The following SPIDR variants were observed in gnomAD, a reference collection of about 807,000 sequenced individuals.
The protein encoded by SPIDR is scaffold protein involved in DNA repair, also known as DNA repair-scaffolding protein.
A neutral mutation model predicts 104.6 loss-of-function variants in SPIDR; 93 were observed. That is an observed-to-expected ratio of 0.89 (90% CI 0.75 to 1.06). SPIDR has a LOEUF of 1.06. SPIDR is among the 50% of genes least tolerant of loss of function. SPIDR has a pLI of 0.00. For synonymous variants in SPIDR, 431 were observed against 416.9 expected, an observed-to-expected ratio of 1.03 and a Z score of -0.41; for missense variants, 1,154 against 1,111.2, an observed-to-expected ratio of 1.04 and a Z score of -0.55.
At chr8:47,453,743 A>T (rs1345926346) in intron 8 of SPIDR, among the ~76,000 whole-genome samples, 2 of 152,228 alleles carry the variant, frequency 1.3e-5, no homozygotes, top group African/African-American at 4.8e-5. Context: ...TAGATCTAAA[A>T]GCATAAAAAC....
At chr8:47,362,753 A>G (rs946080822) in intron 5 of SPIDR, among the ~76,000 whole-genome samples, 14 of 152,032 alleles carry the variant, frequency 9.2e-5, no homozygotes, top group African/African-American at 3.4e-4. Flanking sequence ...CCCAGGTTCA[A>G]GCAATTCTGC....
chr8:47,641,527 T>A (rs1256144494), intron 10 of SPIDR, among the ~76,000 whole-genome samples: 1 of 152,258 alleles, frequency 6.6e-6, no homozygotes, highest in African/African-American at 2.4e-5. Context: ...AGTATGGCCA[T>A]TACAAATATA....
At chr8:47,713,760 A>G in intron 16 of SPIDR, 119 bp downstream of exon 16, 2 of 1,322,662 alleles carry the variant, frequency 1.5e-6, no homozygotes, top group Non-Finnish European at 2.0e-6. Flanking sequence ...CAGACACTGG[A>G]TACATAAAGA....
chr8:47,399,363 C>G (rs1460307545), intron 6 of SPIDR, among the ~76,000 whole-genome samples: 3 of 152,188 alleles, frequency 2.0e-5, no homozygotes, highest in Non-Finnish European at 4.4e-5. Flanking sequence ...GACAGGCCAT[C>G]CACGGACAGC....
At position 47,349,783 on chromosome 8, in the gene SPIDR, G is replaced by A. The variant is rs192175542; in HGVS notation, c.526-46593G>A. On this transcript the variant is annotated intron_variant, in intron 5 of 19. Coordinates refer to ENST00000297423, the MANE Select transcript of SPIDR (RefSeq NM_001080394.4). ...GCGTGGGACCCACTGAGCCCGGCGC[G>A]GGATGTAATGTCCTGGTGTGCTGTT... Among the ~76,000 whole-genome samples, 671 of 152,348 alleles carry A rather than the reference G, an allele frequency of 4.4e-3. 6 individuals carry two copies. The highest frequency in any genetic ancestry group is 0.015 in the African/African-American group (604 of 41,582).
chr8:47,659,952 C>A (rs901346143), intron 10 of SPIDR, among the ~76,000 whole-genome samples: 1 of 152,188 alleles, frequency 6.6e-6, no homozygotes, highest in East Asian at 1.9e-4. Context: ...TCCCACATAG[C>A]CACTTAATCT....
At chr8:47,546,936 G>A in intron 8 of SPIDR, 1 of 473,118 alleles carries the variant, frequency 2.1e-6, no homozygotes, top group Non-Finnish European at 4.1e-6. Context: ...AAAGCCAGGT[G>A]GCAAAGCTGT....
rs573921492 is a variant in SPIDR, at chr8:47,505,441, C to T, written c.1097+64899C>T. 2.5e-4 allele frequency among the ~76,000 whole-genome samples: 38 copies of T among 152,290 alleles called. No homozygotes were observed. In the South Asian group the frequency reaches 2.7e-3, roughly 11 times the overall value. On this transcript the variant is annotated intron_variant, in intron 8 of 19. Coordinates refer to ENST00000297423, the MANE Select transcript of SPIDR (RefSeq NM_001080394.4). ...GGCATAGGACCCTCCAAGCCATGTG[C>T]GGGATATAATCTCCTGGTGTGCCAT...
chr8:47,310,044 T>C (rs1338015389), intron 5 of SPIDR, among the ~76,000 whole-genome samples: 1 of 117,786 alleles, frequency 8.5e-6, no homozygotes, highest in Non-Finnish European at 1.8e-5. Context: ...AAAAACAAAG[T>C]AATAAGTCGG....
chr8:47,261,139 C>A, intron 1 of SPIDR, 148 bp downstream of exon 1: 3 of 984,180 alleles, frequency 3.0e-6, no homozygotes, highest in Non-Finnish European at 3.9e-6. Flanking sequence ...CCCGTCTGCG[C>A]GCGTGGAGCA....
intron 8 of SPIDR, among the ~76,000 whole-genome samples, chr8:47,589,022 G>GTTTTTTTT (rs1168001066): frequency 3.1e-4 from 28 of 89,036 alleles, no homozygotes; most frequent in Non-Finnish European, 4.0e-4. Context: ...TTTATAGTTT[G>GTTTTTTTT]TTTTTTTTTT....
Position 47,734,384 on chromosome 8 carries a change from G to A in SPIDR, c.2605-923G>A, listed in dbSNP as rs565195735. On this transcript the variant is annotated intron_variant, in intron 19 of 19. Transcript: ENST00000297423. Reference sequence around the variant, plus strand: ...GCAGTGAGACTCACACCTTTGAAGGGAAGGGCACCAAGGAGCCACATTCTA... The same window carrying A: ...GCAGTGAGACTCACACCTTTGAAGGAAAGGGCACCAAGGAGCCACATTCTA... Among the ~76,000 whole-genome samples the A allele has an allele frequency of 2.0e-3, 312 of 152,288 alleles. 1 individual carries two copies. The highest frequency in any genetic ancestry group is 4.4e-3 in the Admixed American group (68 of 15,302).
intron 6 of SPIDR, among the ~76,000 whole-genome samples, chr8:47,399,912 G>T (rs1381965526): frequency 6.6e-6 from 1 of 152,150 alleles, no homozygotes; most frequent in African/African-American, 2.4e-5. Flanking sequence ...ACGATGACGG[G>T]CGCCCAGAGT....
chr8:47,584,117 CAGATCATAT>C (rs1344843718), intron 8 of SPIDR, among the ~76,000 whole-genome samples: 5 of 152,130 alleles, frequency 3.3e-5, no homozygotes, highest in Non-Finnish European at 1.5e-5. Flanking sequence ...CTTGATTTCC[CAGATCATAT>C]AGATCATATC....
chr8:47,430,094 C>T (rs2067096206), intron 7 of SPIDR, among the ~76,000 whole-genome samples: 1 of 152,194 alleles, frequency 6.6e-6, no homozygotes, highest in Non-Finnish European at 1.5e-5. Flanking sequence ...GTGTCTGACA[C>T]TGGTGAGCCT....
At chr8:47,343,769 G>A (rs1418945310) in intron 5 of SPIDR, among the ~76,000 whole-genome samples, 4 of 152,018 alleles carry the variant, frequency 2.6e-5, no homozygotes, top group Non-Finnish European at 4.4e-5. Context: ...CCTTTCTCAG[G>A]ATGTTTCATT....
At chr8:47,549,814 G>C (rs981480674) in intron 8 of SPIDR, among the ~76,000 whole-genome samples, 8 of 152,144 alleles carry the variant, frequency 5.3e-5, no homozygotes, top group African/African-American at 1.9e-4. Flanking sequence ...CATTGCTTTG[G>C]GTGTTTTAGT....
In SPIDR at chr8:47,656,411, A is replaced by G. The variant is rs560384294; in HGVS notation, c.1545-17390A>G. ...AATGGACAGTAAGCACATGATGATC[A>G]ACATCATTAGATACTAGGGAAATGC... On this transcript the variant is annotated intron_variant, in intron 10 of 19. Transcript: ENST00000297423. Among the ~76,000 whole-genome samples, 7 of 152,344 alleles carry G rather than the reference A, an allele frequency of 4.6e-5. No individual in the cohort carries two copies. The South Asian group carries it at 1.2e-3, about 27-fold the overall frequency.
chr8:47,409,420 A>T (rs953398043), intron 7 of SPIDR, among the ~76,000 whole-genome samples: 1 of 152,150 alleles, frequency 6.6e-6, no homozygotes, highest in Non-Finnish European at 1.5e-5. Context: ...CCTCCTAAAC[A>T]GTGCTGATTT....
Sources: gnomAD v4.1 joint callset for allele counts (sites outside exome capture counted in the v4.1 genomes callset) on GRCh38, gnomAD v4.1.1 for gene constraint, MANE v1.5 for transcripts, NCBI Gene and HGNC (gene_info 2026-07-23, HGNC 2026-07-21) for gene names.